Variants in RAB11FIP1 observed in about 807,000 individuals in gnomAD.
The protein encoded by RAB11FIP1 is rab11 family-interacting protein 1.
Under a neutral mutation model 83.1 loss-of-function variants are expected in RAB11FIP1, and 49 were observed. The observed-to-expected ratio is 0.59, with a 90% CI of 0.47 to 0.75. The LOEUF is 0.75. Ranked by LOEUF, RAB11FIP1 falls within the 30% of genes least tolerant of loss-of-function variation. The pLI, the probability that RAB11FIP1 is intolerant of heterozygous loss-of-function variation, is 0.00. For synonymous variants in RAB11FIP1, 670 were observed against 656.0 expected, an observed-to-expected ratio of 1.02 and a Z score of -0.33; for missense variants, 1,536 against 1,598.7, an observed-to-expected ratio of 0.96 and a Z score of 0.67.
rs1316015256 is a variant in RAB11FIP1 at position 37,859,842 on chromosome 8, T to G, written c.*3053A>C. ...CCCAGCTCTTCTGAGACATAGGCCATTTGTAGGATTCTCCAGTGCTCCAAT... is the reference window on the plus strand; with the variant it reads ...CCCAGCTCTTCTGAGACATAGGCCAGTTGTAGGATTCTCCAGTGCTCCAAT... On this transcript the variant is annotated 3_prime_UTR_variant, in exon 6 of 6. Coordinates refer to ENST00000330843, the MANE Select transcript of RAB11FIP1 (RefSeq NM_001002814.3). 1 of 152,152 alleles carries G rather than the reference T, an allele frequency of 6.6e-6. No homozygotes were observed. Among genetic ancestry groups the G allele is most frequent in the Admixed American group, 6.5e-5 (1 of 15,270 alleles). 9.4% of individuals were successfully genotyped at this position (152,152 alleles called of 1,614,324 possible).
chr8:37,888,319 T>C (rs944940801), intron 1 of RAB11FIP1, among the ~76,000 whole-genome samples: 1 of 152,064 alleles, frequency 6.6e-6, no homozygotes, highest in Non-Finnish European at 1.5e-5. Context: ...GCTGGCCAGG[T>C]TGGTCTCAAA....
At position 37,862,915 on chromosome 8, in the gene RAB11FIP1, T is replaced by G. The variant is rs1363627129; in HGVS notation, c.3832A>C (p.Lys1278Gln). ...NILRIPTQVG[K>Q]KAGKM ...CTGATTTACATCTTTCCTGCTTTTT[T>G]GCCAACCTGAGTCGGGATGCGGAGG... The change falls in exon 6 of 6, where the codon AAA (lysine) becomes CAA (glutamine). Residue 1278 changes from lysine to glutamine, a missense_variant. Transcript: ENST00000330843. 4 of 1,610,638 alleles carry G rather than the reference T, an allele frequency of 2.5e-6. No homozygotes were observed. The highest frequency in any genetic ancestry group is 1.7e-5 in the Admixed American group (1 of 59,600).
intron 5 of RAB11FIP1, among the ~76,000 whole-genome samples, chr8:37,867,072 A>G (rs1333120823): frequency 6.6e-6 from 1 of 152,222 alleles, no homozygotes; most frequent in Non-Finnish European, 1.5e-5. Context: ...ATGGGAGCCA[A>G]AGGTCTTGCT....
chr8:37,881,686 G>T (rs569920489), intron 1 of RAB11FIP1, among the ~76,000 whole-genome samples: 3 of 152,046 alleles, frequency 2.0e-5, no homozygotes, highest in Non-Finnish European at 4.4e-5. Context: ...GTTGCAAGAC[G>T]CAAGGTCTTT....
chr8:37,870,170 G>A (rs1806421918), intron 5 of RAB11FIP1, among the ~76,000 whole-genome samples: 1 of 150,980 alleles, frequency 6.6e-6, no homozygotes, highest in Non-Finnish European at 1.5e-5. Flanking sequence ...TTTTAAAAAA[G>A]AAGGGCCAGT....
intron 1 of RAB11FIP1, among the ~76,000 whole-genome samples, chr8:37,893,952 C>A (rs1807008273): frequency 6.6e-6 from 1 of 152,186 alleles, no homozygotes; most frequent in Admixed American, 6.5e-5. Flanking sequence ...GAAGGACTCT[C>A]ATCCTTTTTA....
Position 37,872,648 on chromosome 8 carries a change from T to G in RAB11FIP1, c.2154A>C (p.Pro718=). The change falls in exon 4 of 6, where the codon CCA becomes CCC. Residue 718 remains proline (P), a synonymous_variant. Transcript: ENST00000330843. The part of the protein sequence containing the change: ...RFPCKKQDYS[P]SSGEAQEVPF... ...GTACTTCCTGGGCTTCTCCAGATGA[T>G]GGGCTGTAGTCTTGTTTTTTGCAGG... The G allele has an allele frequency of 6.2e-7, 1 of 1,614,228 alleles. No individual in the cohort carries two copies. The highest frequency in any genetic ancestry group is 8.5e-7 in the Non-Finnish European group (1 of 1,180,038).
intron 1 of RAB11FIP1, among the ~76,000 whole-genome samples, chr8:37,888,954 C>T (rs1441028035): frequency 6.6e-6 from 1 of 151,918 alleles, no homozygotes; most frequent in African/African-American, 2.4e-5. Context: ...CCCGCCACCG[C>T]GCCCAGCTAA....
intron 1 of RAB11FIP1, among the ~76,000 whole-genome samples, chr8:37,889,405 C>G (rs996617199): frequency 6.6e-6 from 1 of 152,178 alleles, no homozygotes; most frequent in Non-Finnish European, 1.5e-5. Flanking sequence ...CAATTCTTTA[C>G]AAAGCTCGAT....
At chr8:37,888,775 G>A (rs896345661) in intron 1 of RAB11FIP1, among the ~76,000 whole-genome samples, 1 of 144,516 alleles carries the variant, frequency 6.9e-6, no homozygotes, top group Non-Finnish European at 1.5e-5. Flanking sequence ...GCCCCTCAGT[G>A]TATACGTTCT....
Position 37,899,184 on chromosome 8 carries a change from G to A in RAB11FIP1, c.258C>T (p.Ala86=). Reference sequence around the variant, plus strand: ...GGTGCAGCACGGTGAGCTGCAGGGTGGCGGCGGCCGCGGGTCCGGAGGACA... The same window carrying A: ...GGTGCAGCACGGTGAGCTGCAGGGTAGCGGCGGCCGCGGGTCCGGAGGACA... The part of the protein sequence containing the change: ...SLLSSGPAAA[A]TLQLTVLHRA... The change falls in exon 1 of 6, where the codon GCC becomes GCT. Residue 86 remains alanine (A), a synonymous_variant. Coordinates refer to ENST00000330843, the MANE Select transcript of RAB11FIP1 (RefSeq NM_001002814.3). This position sits in a 1 kb window ranked among gnomAD's most constrained non-coding sequence, Gnocchi z 4.5. 1 of 1,562,136 alleles carries A rather than the reference G, an allele frequency of 6.4e-7. No homozygotes were observed. Among genetic ancestry groups the A allele is most frequent in the Non-Finnish European group, 8.6e-7 (1 of 1,162,118 alleles).
chr8:37,859,071 C>T lies in RAB11FIP1; in HGVS notation c.*3824G>A, dbSNP rs2130111514. On this transcript the variant is annotated 3_prime_UTR_variant, in exon 6 of 6. Coordinates refer to ENST00000330843, the MANE Select transcript of RAB11FIP1 (RefSeq NM_001002814.3). ...AGCAGGAAATAATAATTCTATAATCCAAAAACGTTGGGCGATCCTTCAGTT... is the reference window on the plus strand; with the variant it reads ...AGCAGGAAATAATAATTCTATAATCTAAAAACGTTGGGCGATCCTTCAGTT... 6.6e-6 allele frequency: 1 copy of T among 152,152 alleles called. No homozygotes were observed. Among genetic ancestry groups the T allele is most frequent in the East Asian group, 1.9e-4 (1 of 5,174 alleles). 9.4% of individuals were successfully genotyped at this position (152,152 alleles called of 1,614,324 possible).
In RAB11FIP1 at chr8:37,860,365, CAG is replaced by C. The variant is rs1806210316; in HGVS notation, c.*2528_*2529del. On this transcript the variant is annotated 3_prime_UTR_variant, in exon 6 of 6. Coordinates refer to ENST00000330843, the MANE Select transcript of RAB11FIP1 (RefSeq NM_001002814.3). ...TTTTCTTTCTTTCTTTTTTTTGAGA[CAG>C]AGTCTCGCCCGTTGCCCAGGCTGGA... The C allele has an allele frequency of 6.6e-6, 1 of 152,314 alleles. No individual in the cohort carries two copies. Among genetic ancestry groups the C allele is most frequent in the Non-Finnish European group, 1.5e-5 (1 of 68,170 alleles). The allele number at this position is 152,314 out of a possible 1,614,324, so 9.4% of individuals were successfully genotyped here.
At chr8:37,885,555 C>G (rs151107948) in intron 1 of RAB11FIP1, among the ~76,000 whole-genome samples, 1 of 152,128 alleles carries the variant, frequency 6.6e-6, no homozygotes, top group African/African-American at 2.4e-5. Flanking sequence ...TGGTCAAACA[C>G]AAGACAAGGC....
At position 37,886,308 on chromosome 8, in the gene RAB11FIP1, G is replaced by A. The variant is rs867312504; in HGVS notation, c.372-8757C>T. On this transcript the variant is annotated intron_variant, in intron 1 of 5. Coordinates refer to ENST00000330843, the MANE Select transcript of RAB11FIP1 (RefSeq NM_001002814.3). The stretch of plus-strand genomic sequence containing the variant: ...AATTACAGGTAAAACTCTTGCTGAA[G>A]TACACAATTTCATCACAATAATGAC... Among the ~76,000 whole-genome samples the A allele has an allele frequency of 4.6e-5, 7 of 152,288 alleles. No individual in the cohort carries two copies. In the South Asian group the frequency reaches 6.2e-4, roughly 14 times the overall value.
At position 37,872,365 on chromosome 8, in the gene RAB11FIP1, C is replaced by T; in HGVS notation, c.2437G>A (p.Glu813Lys). Reference protein sequence around the residue: ...KKTKKRVSFSEQLFTEEAVAG... With the variant: ...KKTKKRVSFSKQLFTEEAVAG... ...ACTGCCTCTTCCGTGAAGAGCTGCT[C>T]AGAAAATGACACACGCTTCTTGGTT... The change falls in exon 4 of 6, where the codon GAG (glutamate) becomes AAG (lysine). Residue 813 changes from glutamate (E) to lysine (K), a missense_variant. Transcript: ENST00000330843. 1 of 1,614,218 alleles carries T rather than the reference C, an allele frequency of 6.2e-7. No homozygotes were observed. The highest frequency in any genetic ancestry group is 1.6e-4 in the Middle Eastern group (1 of 6,062).
intron 3 of RAB11FIP1, 70 bp from the exon 4 acceptor site, chr8:37,873,249 A>G: frequency 6.8e-7 from 1 of 1,471,528 alleles, no homozygotes; most frequent in East Asian, 2.3e-5. Flanking sequence ...AAAATACACA[A>G]AAACAAGTCA....
rs905060280 is a variant in RAB11FIP1, at chr8:37,861,208, T to C, written c.*1687A>G. 6.5e-6 allele frequency: 1 copy of C among 152,740 alleles called. No homozygotes were observed. The highest frequency in any genetic ancestry group is 1.5e-5 in the Non-Finnish European group (1 of 68,612). 9.5% of individuals were successfully genotyped at this position (152,740 alleles called of 1,614,324 possible). A position where few individuals can be genotyped will look rare whatever the true frequency, so the allele number is the denominator to read the frequency against. ...CCTAGTTAAAAAAAAAAAAAGTCTA[T>C]AAATCTAGTTTTAAAAATACAAATT... On this transcript the variant is annotated 3_prime_UTR_variant, in exon 6 of 6. Transcript: ENST00000330843.
intron 4 of RAB11FIP1, chr8:37,870,768 C>T (rs1806436646): frequency 2.7e-5 from 12 of 444,022 alleles, no homozygotes; most frequent in Non-Finnish European, 4.0e-5. Flanking sequence ...GATATCTTCA[C>T]GGGACCCTTG....
Sources: gnomAD v4.1 joint callset for allele counts (sites outside exome capture counted in the v4.1 genomes callset) on GRCh38, gnomAD v4.1.1 for gene constraint, Gnocchi (gnomAD v3.1) non-coding constraint, MANE v1.5 for transcripts, NCBI Gene and HGNC (gene_info 2026-07-23, HGNC 2026-07-21) for gene names.